The following DLG2 variants were observed in gnomAD, a reference collection of about 807,000 sequenced individuals.
DLG2 encodes the protein discs large MAGUK scaffold protein 2.
A neutral mutation model predicts 132.5 loss-of-function variants in DLG2; 45 were observed. That is an observed-to-expected ratio of 0.34 (90% CI 0.27 to 0.44). The LOEUF is 0.44. Among genes scored for constraint, DLG2 ranks in the 20% least tolerant of loss-of-function variants. The pLI is 1.00. For synonymous variants in DLG2, 424 were observed against 419.6 expected, an observed-to-expected ratio of 1.01 and a Z score of -0.13; for missense variants, 1,045 against 1,196.9, an observed-to-expected ratio of 0.87 and a Z score of 1.87.
chr11:84,862,817 C>CGGGGGG (rs71036447), intron 6 of DLG2, among the ~76,000 whole-genome samples: 1 of 46,176 alleles, frequency 2.2e-5, no homozygotes, highest in Non-Finnish European at 4.3e-5. Flanking sequence ...CAGGTCCTGT[C>CGGGGGG]GGGGGGGGGG....
At chr11:85,386,385 T>A (rs564477425) in intron 3 of DLG2, among the ~76,000 whole-genome samples, 1 of 152,160 alleles carries the variant, frequency 6.6e-6, no homozygotes, top group Non-Finnish European at 1.5e-5. Context: ...GTGACAGAAC[T>A]AGGATTTGAA....
chr11:84,938,376 T>G (rs1189844026), intron 6 of DLG2, among the ~76,000 whole-genome samples: 1 of 152,144 alleles, frequency 6.6e-6, no homozygotes, highest in African/African-American at 2.4e-5. Context: ...GAAAAATAAT[T>G]GAGAAAATCA....
At chr11:83,510,279 G>C (rs1331397001) in intron 21 of DLG2, among the ~76,000 whole-genome samples, 1 of 141,510 alleles carries the variant, frequency 7.1e-6, no homozygotes, top group Non-Finnish European at 1.5e-5. Context: ...CTTGGATGTT[G>C]ACTCAGTTTC....
chr11:84,489,976 GA>G (rs2099160589), intron 7 of DLG2, among the ~76,000 whole-genome samples: 2 of 151,958 alleles, frequency 1.3e-5, no homozygotes, highest in East Asian at 1.9e-4. Context: ...AGTACCAAAA[GA>G]AAAATAGAAA....
chr11:84,049,952 A>C (rs1399287670), intron 11 of DLG2, among the ~76,000 whole-genome samples: 3 of 151,720 alleles, frequency 2.0e-5, no homozygotes, highest in African/African-American at 7.3e-5. Context: ...CAAAGTTGGG[A>C]ATGAAATGAA....
intron 18 of DLG2, among the ~76,000 whole-genome samples, chr11:83,711,951 A>G (rs889883334): frequency 1.3e-5 from 2 of 152,220 alleles, no homozygotes; most frequent in Admixed American, 1.3e-4. Context: ...ATCTCATGCC[A>G]GTCAGAATAG....
chr11:83,719,316 G>A (rs1297275033), intron 18 of DLG2, among the ~76,000 whole-genome samples: 4 of 152,186 alleles, frequency 2.6e-5, no homozygotes, highest in Admixed American at 2.6e-4. Context: ...TATGTGACTT[G>A]AGTGTTTTGA....
intron 18 of DLG2, among the ~76,000 whole-genome samples, chr11:83,771,725 T>C (rs2094400099): frequency 6.6e-6 from 1 of 152,248 alleles, no homozygotes; most frequent in Non-Finnish European, 1.5e-5. Flanking sequence ...TGCATGATTA[T>C]TTTAAAAATT....
intron 5 of DLG2, among the ~76,000 whole-genome samples, chr11:85,139,294 T>G (rs535852555): frequency 2.6e-5 from 4 of 152,086 alleles, no homozygotes; most frequent in Non-Finnish European, 5.9e-5. Flanking sequence ...AAACAGAGAT[T>G]TTTGAATGAG....
chr11:85,508,584 C>G (rs1025020874), intron 3 of DLG2, among the ~76,000 whole-genome samples: 7 of 151,950 alleles, frequency 4.6e-5, no homozygotes, highest in Non-Finnish European at 1.0e-4. Flanking sequence ...TCCATAAGAA[C>G]AAGAATTTCA....
chr11:85,285,467 T>TA, intron 3 of DLG2, 102 bp from the exon 4 acceptor site: 1 of 1,047,636 alleles, frequency 9.5e-7, no homozygotes, highest in Non-Finnish European at 1.4e-6. Flanking sequence ...TTTTGCTGAT[T>TA]AAAAGAACTG....
intron 6 of DLG2, among the ~76,000 whole-genome samples, chr11:84,962,601 T>A (rs2052736608): frequency 6.6e-6 from 1 of 152,216 alleles, no homozygotes; most frequent in African/African-American, 2.4e-5. Flanking sequence ...TGCATTTCAA[T>A]AAATATTTGA....
At chr11:83,747,396 G>T (rs1032224187) in intron 18 of DLG2, among the ~76,000 whole-genome samples, 3 of 144,978 alleles carry the variant, frequency 2.1e-5, no homozygotes, top group African/African-American at 7.8e-5. Flanking sequence ...TTTTTGACAG[G>T]GTCTGGCTCT....
intron 11 of DLG2, among the ~76,000 whole-genome samples, chr11:84,024,516 T>G (rs2095486642): frequency 6.6e-6 from 1 of 152,084 alleles, no homozygotes; most frequent in African/African-American, 2.4e-5. Context: ...AAGTGTCCAT[T>G]AAGAGATAAA....
chr11:84,755,669 C>T (rs1011304458), intron 6 of DLG2, among the ~76,000 whole-genome samples: 12 of 152,184 alleles, frequency 7.9e-5, no homozygotes, highest in Admixed American at 6.5e-4. Context: ...GTGATCCACC[C>T]GCCTCGGCCT....
At chr11:84,168,927 C>T (rs1398409860) in intron 8 of DLG2, among the ~76,000 whole-genome samples, 1 of 151,958 alleles carries the variant, frequency 6.6e-6, no homozygotes. Context: ...TGGAGTATCT[C>T]TTATAGTAAA....
chr11:83,503,452 T>A (rs12789798), intron 21 of DLG2, among the ~76,000 whole-genome samples: 2 of 133,754 alleles, frequency 1.5e-5, no homozygotes, highest in Admixed American at 7.9e-5. Context: ...TATATATTTA[T>A]ACACACACAC....
intron 7 of DLG2, among the ~76,000 whole-genome samples, chr11:84,478,601 A>G (rs2154492651): frequency 6.6e-6 from 1 of 152,246 alleles, no homozygotes; most frequent in East Asian, 1.9e-4. Context: ...CTGAGAGTAG[A>G]ACTTCTGGAT....
intron 6 of DLG2, among the ~76,000 whole-genome samples, chr11:84,609,768 T>C (rs1456502020): frequency 6.6e-6 from 1 of 152,144 alleles, no homozygotes; most frequent in Non-Finnish European, 1.5e-5. Flanking sequence ...TTAGCCAAAC[T>C]CCAGCATCTT....
Sources: allele counts gnomAD v4.1 joint callset (sites outside exome capture counted in the v4.1 genomes callset), GRCh38; gene constraint gnomAD v4.1.1; transcripts MANE v1.5; gene names NCBI Gene and HGNC (gene_info 2026-07-23, HGNC 2026-07-21).